MID1: variants seen among roughly 807,000 people sequenced by gnomAD.
The protein encoded by MID1 is midline 1, also known as E3 ubiquitin-protein ligase Midline-1.
MID1 carries 7 observed loss-of-function variants against 40.4 expected under a neutral mutation model. That is an observed-to-expected ratio of 0.17 (90% CI 0.10 to 0.33). The LOEUF (loss-of-function observed/expected upper bound fraction) is 0.33, where lower values mean the gene tolerates loss of function less well. Among genes scored for constraint, MID1 ranks in the 10% least tolerant of loss-of-function variants. The pLI is 1.00. For missense variants in MID1, 367 were observed against 558.5 expected (o/e 0.66, Z 3.46); for synonymous variants, 229 against 221.2 (o/e 1.04, Z -0.31).
chrX:10,667,636 G>T (rs953969856), intron 1 of MID1, among the ~76,000 whole-genome samples: 10 of 111,712 alleles, frequency 9.0e-5, no homozygotes, highest in South Asian at 3.8e-4. Context: ...AGGGGTGTGT[G>T]GGGGGAGTCT....
chrX:10,826,561 T>A (rs950845598), intron 1 of MID1, among the ~76,000 whole-genome samples: 4 of 112,291 alleles, frequency 3.6e-5, no homozygotes, highest in Non-Finnish European at 7.5e-5. Flanking sequence ...TCATAGAGTC[T>A]GGCCATTTCC....
At position 10,742,378 on chromosome X, in the gene MID1, G is replaced by GA. The variant is rs898310522; in HGVS notation, c.-187+91175dup. On this transcript the variant is annotated intron_variant, in intron 1 of 10. Coordinates refer to the MID1 transcript ENST00000380785. ...GGTCTTAATGAAAACAAACTACATT[G>GA]AAAAAAAATCCCTTTTCTACATATT... 7.2e-5 allele frequency among the ~76,000 whole-genome samples: 8 copies of GA among 111,046 alleles called. 1 individual carries two copies. Among genetic ancestry groups the GA allele is most frequent in the East Asian group, 2.8e-4 (1 of 3,549 alleles).
chrX:10,764,200 G>A (rs1436012289), intron 1 of MID1, among the ~76,000 whole-genome samples: 1 of 111,763 alleles, frequency 8.9e-6, no homozygotes, highest in Non-Finnish European at 1.9e-5. Flanking sequence ...TTTGGCTTTT[G>A]TTGCCATTGC....
intron 1 of MID1, among the ~76,000 whole-genome samples, chrX:10,713,018 G>A (rs923223182): frequency 3.6e-5 from 4 of 110,109 alleles, no homozygotes; most frequent in Non-Finnish European, 7.6e-5. Context: ...TGTATTTTTA[G>A]TAGAGACGGG....
chrX:10,601,373 GA>G (rs1264538751), intron 1 of MID1, among the ~76,000 whole-genome samples: 1 of 110,062 alleles, frequency 9.1e-6, no homozygotes, highest in Non-Finnish European at 1.9e-5. Context: ...TTAAGTGGTT[GA>G]AAAAAAAATT....
At chrX:10,584,241 G>C (rs1182359297) in intron 1 of MID1, among the ~76,000 whole-genome samples, 1 of 111,958 alleles carries the variant, frequency 8.9e-6, no homozygotes, top group Non-Finnish European at 1.9e-5. Flanking sequence ...CCACATCCCA[G>C]TACTGCTGCA....
Position 10,449,700 on chromosome X carries a change from C to G in MID1, c.1672G>C (p.Ala558Pro). Residue 558 changes from alanine to proline, a missense_variant, in exon 10 of 10, where the codon GCT becomes CCT. Coordinates refer to ENST00000317552, the MANE Select transcript of MID1 (RefSeq NM_000381.4). ...SGSTWYAIGL[A>P]YKSAPKHEWI... is the part of the protein sequence containing the mutation. ...TCATGCTTCGGGGCTGATTTGTAAGCAAGACCAATGGCATACCTGCGGAAA... is the reference window on the plus strand; with the variant it reads ...TCATGCTTCGGGGCTGATTTGTAAGGAAGACCAATGGCATACCTGCGGAAA... 8.3e-7 allele frequency: 1 copy of G among 1,207,981 alleles called. No individual in the cohort carries two copies. The highest frequency in any genetic ancestry group is 1.1e-6 in the Non-Finnish European group (1 of 892,364).
At chrX:10,771,339 C>CTAAAAGT (rs1242373488) in intron 1 of MID1, among the ~76,000 whole-genome samples, 1 of 111,016 alleles carries the variant, frequency 9.0e-6, no homozygotes, top group African/African-American at 3.3e-5. Context: ...CCTAAAAATG[C>CTAAAAGT]TAAAAGTCTG....
At chrX:10,721,934 C>T (rs1314207551) in intron 1 of MID1, among the ~76,000 whole-genome samples, 4 of 110,600 alleles carry the variant, frequency 3.6e-5, no homozygotes, top group Non-Finnish European at 7.6e-5. Context: ...AAGAAGAAGA[C>T]GACCTTCTTC....
chrX:10,599,744 G>A (rs1013152141), intron 1 of MID1, among the ~76,000 whole-genome samples: 1 of 112,381 alleles, frequency 8.9e-6, no homozygotes, highest in African/African-American at 3.2e-5. Flanking sequence ...ACTGTGAGAA[G>A]AATTGAGGTG....
chrX:10,567,653 G>C, intron 1 of MID1, 50 bp from the exon 2 acceptor site: 1 of 900,339 alleles, frequency 1.1e-6, no homozygotes, highest in Admixed American at 2.3e-5. Context: ...GTCAACCATA[G>C]GGGGGTGTCA....
chrX:10,759,720 T>A (rs923247736), intron 1 of MID1, among the ~76,000 whole-genome samples: 1 of 111,543 alleles, frequency 9.0e-6, no homozygotes, highest in Non-Finnish European at 1.9e-5. Flanking sequence ...CATACAGGAA[T>A]CTGCACCCAT....
intron 1 of MID1, among the ~76,000 whole-genome samples, chrX:10,672,164 G>A (rs1006092403): frequency 2.7e-5 from 3 of 110,116 alleles, no homozygotes; most frequent in Non-Finnish European, 5.7e-5. Flanking sequence ...AGTTGAGGCT[G>A]CAGTGAGCCA....
chrX:10,492,063 ATT>A (rs2147314936), intron 4 of MID1, among the ~76,000 whole-genome samples: 1 of 111,538 alleles, frequency 9.0e-6, no homozygotes, highest in Admixed American at 9.5e-5. Context: ...AAAACTGCTA[ATT>A]TGTTGCTTTC....
intron 3 of MID1, among the ~76,000 whole-genome samples, chrX:10,515,680 C>CT (rs59143276): frequency 0.012 from 1,353 of 112,256 alleles, 16 homozygotes; most frequent in African/African-American, 0.041. Flanking sequence ...ATGGTAAGGA[C>CT]TGCTGAGCCT....
intron 5 of MID1, 192 bp from the exon 6 acceptor site, chrX:10,474,942 A>C (rs1407288956): frequency 6.1e-6 from 3 of 492,264 alleles, no homozygotes; most frequent in Non-Finnish European, 1.1e-5. Flanking sequence ...AAAAAAAGTG[A>C]AGGAATTGGA....
At chrX:10,577,594 A>C (rs1322170300) in intron 1 of MID1, among the ~76,000 whole-genome samples, 1 of 109,515 alleles carries the variant, frequency 9.1e-6, no homozygotes, top group Non-Finnish European at 1.9e-5. Context: ...CACAGGTTTC[A>C]CATACACACG....
At chrX:10,636,787 T>TATATAA (rs1555911863) in intron 1 of MID1, among the ~76,000 whole-genome samples, 22 of 34,271 alleles carry the variant, frequency 6.4e-4, no homozygotes, top group African/African-American at 1.5e-3. Flanking sequence ...ACAATGGGGA[T>TATATAA]ATATATATAT....
rs145612068 is a variant in MID1, at chrX:10,615,713, G to A, written c.-57+4577C>T. ...TCCTCCAGAGGGGGAAAAATATTTC[G>A]GATCCAGATGGCTCCCTAATATTGT... is the stretch of plus-strand genomic sequence containing the variant. On this transcript the variant is annotated intron_variant, in intron 1 of 9. Coordinates refer to ENST00000317552, the MANE Select transcript of MID1 (RefSeq NM_000381.4). 7.6e-4 allele frequency among the ~76,000 whole-genome samples: 85 copies of A among 111,629 alleles called. 1 individual carries two copies. The East Asian group carries it at 0.023, about 30-fold the overall frequency.
Sources: gnomAD v4.1 joint callset for allele counts (sites outside exome capture counted in the v4.1 genomes callset) on GRCh38, gnomAD v4.1.1 for gene constraint, MANE v1.5 for transcripts, NCBI Gene and HGNC (gene_info 2026-07-23, HGNC 2026-07-21) for gene names.